The following ATP10A variants were observed in gnomAD, a reference collection of about 807,000 sequenced individuals.
The protein encoded by ATP10A is ATPase phospholipid transporting 10A (putative), also known as phospholipid-transporting ATPase VA.
A neutral mutation model predicts 147.8 loss-of-function variants in ATP10A; 111 were observed. That is an observed-to-expected ratio of 0.75 (90% CI 0.64 to 0.88). The LOEUF (loss-of-function observed/expected upper bound fraction) is 0.88, where lower values mean the gene tolerates loss of function less well. Ranked by LOEUF, ATP10A falls within the 40% of genes least tolerant of loss-of-function variation. The probability of loss-of-function intolerance (pLI) is 0.00; values close to 1 mark genes in which losing one functional copy is unlikely to be tolerated. For synonymous variants in ATP10A, 875 were observed against 841.6 expected (o/e 1.04, Z -0.69); for missense variants, 1,927 against 1,959.0 (o/e 0.98, Z 0.31).
intron 1 of ATP10A, among the ~76,000 whole-genome samples, chr15:25,795,282 G>A (rs1013271430): frequency 2.0e-5 from 3 of 152,034 alleles, no homozygotes; most frequent in Non-Finnish European, 4.4e-5. Flanking sequence ...GGACACCACC[G>A]TCCACGTGAC....
intron 9 of ATP10A, among the ~76,000 whole-genome samples, chr15:25,715,007 T>C (rs1469087415): frequency 2.0e-5 from 3 of 150,322 alleles, no homozygotes; most frequent in Non-Finnish European, 1.5e-5. Context: ...CACACAATTG[T>C]TAAAGTTTCA....
intron 1 of ATP10A, among the ~76,000 whole-genome samples, chr15:25,794,376 A>C (rs1476749661): frequency 6.6e-6 from 1 of 152,202 alleles, no homozygotes; most frequent in Non-Finnish European, 1.5e-5. Flanking sequence ...GCAAAAAAAA[A>C]ATCTCTGGAA....
chr15:25,850,674 C>T (rs1893254108), intron 1 of ATP10A, among the ~76,000 whole-genome samples: 2 of 137,912 alleles, frequency 1.5e-5, no homozygotes, highest in African/African-American at 5.3e-5. Context: ...CACTCCGCGG[C>T]CCGGGCAGGG....
intron 2 of ATP10A, among the ~76,000 whole-genome samples, chr15:25,779,433 G>T (rs1010766770): frequency 6.6e-6 from 1 of 152,158 alleles, no homozygotes; most frequent in Non-Finnish European, 1.5e-5. Flanking sequence ...TGAGACCCCG[G>T]GAACTGAGAG....
intron 1 of ATP10A, chr15:25,862,428 C>T (rs1442010225): frequency 1.8e-5 from 12 of 660,920 alleles, no homozygotes; most frequent in Non-Finnish European, 3.2e-5. Flanking sequence ...CACGCGTCCC[C>T]GCATCCAGGG....
At chr15:25,760,380 A>G (rs1888696321) in intron 2 of ATP10A, among the ~76,000 whole-genome samples, 1 of 152,220 alleles carries the variant, frequency 6.6e-6, no homozygotes, top group Non-Finnish European at 1.5e-5. Flanking sequence ...TATAAATGCT[A>G]TCAGTCATAA....
chr15:25,833,563 A>G (rs1892460027), intron 1 of ATP10A, among the ~76,000 whole-genome samples: 1 of 152,162 alleles, frequency 6.6e-6, no homozygotes, highest in African/African-American at 2.4e-5. Context: ...AATGGATCAC[A>G]GTGGAATGGC....
chr15:25,752,650 C>A (rs1430856525), intron 2 of ATP10A, among the ~76,000 whole-genome samples: 1 of 152,090 alleles, frequency 6.6e-6, no homozygotes, highest in African/African-American at 2.4e-5. Context: ...ATATGGGGAG[C>A]CTTGTAACTC....
In ATP10A at chr15:25,680,943, A is replaced by G. The variant is rs1952593259; in HGVS notation, c.3574-29T>C. 1.9e-6 allele frequency: 3 copies of G among 1,613,276 alleles called. No individual in the cohort carries two copies. In the African/African-American group the frequency reaches 4.0e-5, roughly 22 times the overall value. ...AAAGACAGTGGGGTCCTGGATCTGT[A>G]GGTCCCCGGATCCAGCTGGTAAGAA... On this transcript the variant is annotated intron_variant, in intron 18 of 20. Transcript: ENST00000555815.
intron 15 of ATP10A, 174 bp from the exon 16 acceptor site, chr15:25,688,002 G>A (rs768408499): frequency 4.3e-5 from 34 of 787,644 alleles, no homozygotes; most frequent in African/African-American, 6.9e-5. Context: ...ATCTCCTTCC[G>A]TTACAAAAGA....
At chr15:25,787,660 A>T (rs1890234145) in intron 1 of ATP10A, among the ~76,000 whole-genome samples, 2 of 151,974 alleles carry the variant, frequency 1.3e-5, no homozygotes, top group South Asian at 4.2e-4. Context: ...GAAAAGAAAA[A>T]GGTGGGAGGA....
At chr15:25,769,789 T>A (rs1445029758) in intron 2 of ATP10A, among the ~76,000 whole-genome samples, 1 of 152,178 alleles carries the variant, frequency 6.6e-6, no homozygotes, top group Non-Finnish European at 1.5e-5. Context: ...GGGGTTGAAT[T>A]CTACCTTCCC....
chr15:25,754,203 G>A (rs550455462), intron 2 of ATP10A, among the ~76,000 whole-genome samples: 8 of 152,140 alleles, frequency 5.3e-5, no homozygotes, highest in South Asian at 2.1e-4. Context: ...GCGTGATCTC[G>A]GCTTGCTGCA....
At chr15:25,732,573 T>TTTTTTTTTTTTA (rs1887004835) in intron 3 of ATP10A, among the ~76,000 whole-genome samples, 1 of 143,674 alleles carries the variant, frequency 7.0e-6, no homozygotes, top group African/African-American at 2.6e-5. Context: ...TTTTTTTTTT[T>TTTTTTTTTTTTA]GAGATGGAGT....
chr15:25,835,725 G>A (rs370690175), intron 1 of ATP10A, among the ~76,000 whole-genome samples: 40 of 152,278 alleles, frequency 2.6e-4, no homozygotes, highest in African/African-American at 8.4e-4. Flanking sequence ...CCAAACTCCC[G>A]GGCTCAAGCG....
At chr15:25,719,621 C>A (rs1397930565) in intron 7 of ATP10A, among the ~76,000 whole-genome samples, 1 of 148,588 alleles carries the variant, frequency 6.7e-6, no homozygotes, top group African/African-American at 2.5e-5. Flanking sequence ...TCCTTCAGGG[C>A]CCCCTCCTTC....
chr15:25,676,674 A>G (rs1261310787), downstream of ATP10A, among the ~76,000 whole-genome samples: 1 of 152,082 alleles, frequency 6.6e-6, no homozygotes. Context: ...AGGCCTTTTT[A>G]TCATTTTCAG....
intron 2 of ATP10A, among the ~76,000 whole-genome samples, chr15:25,743,000 C>T (rs1887651338): frequency 1.3e-5 from 2 of 152,114 alleles, no homozygotes; most frequent in African/African-American, 2.4e-5. Flanking sequence ...TGGGTGTGAA[C>T]GTGTCATGCT....
At chr15:25,726,690 G>A (rs1335009462) in intron 4 of ATP10A, among the ~76,000 whole-genome samples, 6 of 151,534 alleles carry the variant, frequency 4.0e-5, no homozygotes, top group Non-Finnish European at 8.8e-5. Context: ...TGATCTGCCC[G>A]TCTCAGCCTC....
Sources: gnomAD v4.1 joint callset for allele counts (sites outside exome capture counted in the v4.1 genomes callset) on GRCh38, gnomAD v4.1.1 for gene constraint, MANE v1.5 for transcripts, NCBI Gene and HGNC (gene_info 2026-07-23, HGNC 2026-07-21) for gene names.